LTN1: variants seen among roughly 807,000 people sequenced by gnomAD.
LTN1 encodes the protein listerin E3 ubiquitin protein ligase 1, also known as E3 ubiquitin-protein ligase listerin.
A neutral mutation model predicts 201.2 loss-of-function variants in LTN1; 88 were observed. The observed-to-expected ratio is 0.44, with a 90% CI of 0.37 to 0.52. The LOEUF (loss-of-function observed/expected upper bound fraction) is 0.52, where lower values mean the gene tolerates loss of function less well. Ranked by LOEUF, LTN1 falls within the 20% of genes least tolerant of loss-of-function variation. LTN1 has a pLI of 0.00. For missense variants in LTN1, 1,752 were observed against 2,038.7 expected (o/e 0.86, Z 2.71); for synonymous variants, 645 against 713.5 (o/e 0.90, Z 1.53).
chr21:28,959,678 T>G lies in LTN1; in HGVS notation c.2373A>C (p.Val791=), dbSNP rs1373120438. ...GTCTAACAATGATTCTTTCAACATATACGTCTCCAATCAAGTAATCTGGAG... is the reference window on the plus strand; with the variant it reads ...GTCTAACAATGATTCTTTCAACATAGACGTCTCCAATCAAGTAATCTGGAG... ...HVKNDYLIGD[V]YVERIIVRLH... Residue 791 remains valine, a synonymous_variant, in exon 13 of 30, where the codon GTA becomes GTC. Transcript: ENST00000361371. 6.2e-7 allele frequency: 1 copy of G among 1,610,034 alleles called. No homozygotes were observed. The highest frequency in any genetic ancestry group is 1.7e-5 in the Admixed American group (1 of 59,532).
At chr21:28,973,698 G>A (rs1370977440) in intron 6 of LTN1, among the ~76,000 whole-genome samples, 3 of 152,134 alleles carry the variant, frequency 2.0e-5, no homozygotes, top group Non-Finnish European at 4.4e-5. Flanking sequence ...GGACTGAGCA[G>A]ATTGTAAAAC....
chr21:28,931,458 C>T, intron 28 of LTN1, 136 bp from the exon 29 acceptor site: 2 of 565,766 alleles, frequency 3.5e-6, no homozygotes, highest in Non-Finnish European at 6.2e-6. Context: ...TGTCTCCCAA[C>T]TTATGAATGT....
intron 11 of LTN1, 25 bp from the exon 12 acceptor site, chr21:28,960,731 G>C (rs1217387631): frequency 2.0e-6 from 3 of 1,517,350 alleles, no homozygotes; most frequent in Non-Finnish European, 2.7e-6. Context: ...TTAAAGCAAA[G>C]ATTAACAGCA....
intron 3 of LTN1, among the ~76,000 whole-genome samples, chr21:28,985,435 G>C (rs1308824741): frequency 6.6e-6 from 1 of 150,858 alleles, no homozygotes; most frequent in African/African-American, 2.4e-5. Context: ...ACTCCAGCCT[G>C]GGTGACAGAA....
chr21:28,970,587 A>G lies in LTN1; in HGVS notation c.1140T>C (p.Asp380=). ...GAGACGTGAGGAAATTTTTGAAGAA[A>G]TCCAACTTTGGATTTGTGATGGACT... is the stretch of plus-strand genomic sequence containing the variant. ...LPQSITNPKL[D]FFKNFLTSLV... The change falls in exon 8 of 30, where the codon GAT becomes GAC. Residue 380 remains aspartate, a synonymous_variant. Transcript: ENST00000361371. 6.2e-7 allele frequency: 1 copy of G among 1,613,314 alleles called. No individual in the cohort carries two copies. Among genetic ancestry groups the G allele is most frequent in the Non-Finnish European group, 8.5e-7 (1 of 1,179,816 alleles).
In LTN1 at chr21:28,935,200, T is replaced by C. The variant is rs749270715; in HGVS notation, c.4784A>G (p.Asp1595Gly). The C allele has an allele frequency of 1.2e-6, 2 of 1,613,530 alleles. No individual in the cohort carries two copies. The highest frequency in any genetic ancestry group is 1.7e-6 in the Non-Finnish European group (2 of 1,179,420). ...GCTGACATACTTGCTTGTAAATCTA[T>C]CCACAATATTGAAAACACGCTTCTC... ...SSEKRVFNIV[D>G]RFTSKYVSSV... The change falls in exon 27 of 30, where the codon GAT (aspartate) becomes GGT (glycine). Residue 1595 changes from aspartate to glycine, a missense_variant. Asp to Gly is a moderately conservative substitution (Grantham distance 94). Coordinates refer to ENST00000361371, the MANE Select transcript of LTN1 (RefSeq NM_015565.3).
chr21:28,935,286 T>C lies in LTN1; in HGVS notation c.4698A>G (p.Ser1566=). The change falls in exon 27 of 30, where the codon TCA becomes TCG. Residue 1566 remains serine, a synonymous_variant. Transcript: ENST00000361371. ...LPYHIPHLAC[S]VYHMTLKDLP... ...AGTCTTTTAATGTCATATGATAGAC[T>C]GAACAAGCCAAGTGTGGAATGTGGT... 6.2e-7 allele frequency: 1 copy of C among 1,614,092 alleles called. No individual in the cohort carries two copies.
chr21:28,982,221 AAAAAAC>A (rs1016854815), intron 5 of LTN1, 89 bp downstream of exon 5: 9 of 1,171,630 alleles, frequency 7.7e-6, no homozygotes, highest in Non-Finnish European at 1.0e-5. Flanking sequence ...TGTCTCAAAA[AAAAAAC>A]AAAAACAAAA....
Position 28,946,267 on chromosome 21 carries a change from T to C in LTN1, c.3508A>G (p.Ile1170Val), listed in dbSNP as rs746539101. The C allele has an allele frequency of 1.3e-6, 2 of 1,578,440 alleles. No individual in the cohort carries two copies. The highest frequency in any genetic ancestry group is 1.7e-6 in the Non-Finnish European group (2 of 1,168,258). ...TTGGTTTGCAGACAAGAATTGAAAA[T>C]GGCAAGATGTCCAAAACCTCCTAAA... is the stretch of plus-strand genomic sequence containing the variant. ...STNGGFGHLA[I>V]FNSCLQTKSI... Residue 1170 changes from isoleucine to valine, a missense_variant, in exon 20 of 30, where the codon ATT (isoleucine) becomes GTT (valine). Physicochemically the swap from Ile to Val is conservative, Grantham distance 29. Transcript: ENST00000361371.
intron 6 of LTN1, 72 bp from the exon 7 acceptor site, chr21:28,971,516 G>A: frequency 7.1e-7 from 1 of 1,403,636 alleles, no homozygotes; most frequent in Non-Finnish European, 9.9e-7. Flanking sequence ...TATGGTAATA[G>A]TAGATTATTC....
intron 27 of LTN1, among the ~76,000 whole-genome samples, chr21:28,934,166 C>G (rs2084235431): frequency 6.6e-6 from 1 of 152,206 alleles, no homozygotes; most frequent in African/African-American, 2.4e-5. Context: ...CAGTCTCGCT[C>G]TTTTCCCTTT....
rs771261669 is a variant in LTN1 at position 28,973,346 on chromosome 21, CAAAAAA to C, written c.811-1908_811-1903del. 3.1e-3 allele frequency among the ~76,000 whole-genome samples: 193 copies of C among 61,794 alleles called. 2 individuals carry two copies. Among genetic ancestry groups the C allele is most frequent in the African/African-American group, 0.01 (176 of 17,406 alleles). The allele number at this position is 61,794 out of a possible 152,430, so 40.5% of individuals were successfully genotyped here. On this transcript the variant is annotated intron_variant, in intron 6 of 29. Coordinates refer to ENST00000361371, the MANE Select transcript of LTN1 (RefSeq NM_015565.3). ...TGGGTGACAAAGCAAGAATCCGTCC[CAAAAAA>C]AAAAAAAAAAAAAAAAGAATGAGGG...
chr21:28,959,687 A>C lies in LTN1; in HGVS notation c.2364T>G (p.Ile788Met). The change falls in exon 13 of 30, where the codon ATT (isoleucine) becomes ATG (methionine). Residue 788 changes from isoleucine to methionine, a missense_variant. This residue lies in a region of LTN1 where 1,211 missense variants were observed against 1,312.8 expected (regional missense o/e 0.92). Coordinates refer to ENST00000361371, the MANE Select transcript of LTN1 (RefSeq NM_015565.3). ...TGATTCTTTCAACATATACGTCTCC[A>C]ATCAAGTAATCTGGAGAAAAAAAGG... ...LSQHVKNDYL[I>M]GDVYVERIIV... The C allele has an allele frequency of 6.2e-7, 1 of 1,600,842 alleles. No homozygotes were observed. Among genetic ancestry groups the C allele is most frequent in the Non-Finnish European group, 8.5e-7 (1 of 1,174,802 alleles).
chr21:28,977,452 C>T (rs2084624714), intron 6 of LTN1, among the ~76,000 whole-genome samples: 1 of 151,702 alleles, frequency 6.6e-6, no homozygotes, highest in Non-Finnish European at 1.5e-5. Flanking sequence ...TAAGGCCAGG[C>T]ACAGTGGCTC....
intron 1 of LTN1, among the ~76,000 whole-genome samples, chr21:28,991,995 G>C (rs1007158746): frequency 6.6e-6 from 1 of 152,230 alleles, no homozygotes; most frequent in Non-Finnish European, 1.5e-5. Flanking sequence ...TCTGTTCTAG[G>C]TTCCGAGGAT....
chr21:28,980,084 G>A (rs1166525048), intron 6 of LTN1, among the ~76,000 whole-genome samples: 4 of 152,056 alleles, frequency 2.6e-5, no homozygotes, highest in Non-Finnish European at 5.9e-5. Flanking sequence ...TGAACAAGGC[G>A]ACGTTCCCTT....
intron 27 of LTN1, among the ~76,000 whole-genome samples, chr21:28,934,210 G>A (rs1014976216): frequency 6.6e-6 from 1 of 152,152 alleles, no homozygotes; most frequent in African/African-American, 2.4e-5. Flanking sequence ...ACAAGAATCT[G>A]GTCCTACTAA....
intron 18 of LTN1, among the ~76,000 whole-genome samples, chr21:28,950,705 T>A (rs1416689460): frequency 6.6e-6 from 1 of 151,960 alleles, no homozygotes; most frequent in Non-Finnish European, 1.5e-5. Context: ...TTTGTAGAGA[T>A]GTTTCGCCAT....
In LTN1 at chr21:28,929,041, A is replaced by G. The variant is rs2084190720; in HGVS notation, c.*1407T>C. On this transcript the variant is annotated 3_prime_UTR_variant, in exon 30 of 30. Transcript: ENST00000361371. ...GGCTAGAAGACAATAAATATTTTAC[A>G]GTAAAATGTAGGAGGCAAACAAAAC... 1 of 152,584 alleles carries G rather than the reference A, an allele frequency of 6.6e-6. No homozygotes were observed. Among genetic ancestry groups the G allele is most frequent in the South Asian group, 2.1e-4 (1 of 4,838 alleles). 9.5% of individuals were successfully genotyped at this position (152,584 alleles called of 1,614,324 possible).
Sources: gnomAD v4.1 joint callset for allele counts (sites outside exome capture counted in the v4.1 genomes callset) on GRCh38, gnomAD v4.1.1 for gene constraint, gnomAD v4.1.1 regional missense constraint, MANE v1.5 for transcripts, NCBI Gene and HGNC (gene_info 2026-07-23, HGNC 2026-07-21) for gene names.